The following IL6R variants were observed in gnomAD, a reference collection of about 807,000 sequenced individuals.
The protein encoded by IL6R is interleukin-6 receptor subunit alpha.
Under a neutral mutation model 48.3 loss-of-function variants are expected in IL6R, and 38 were observed. The observed-to-expected ratio is 0.79, with a 90% CI of 0.61 to 1.03. IL6R has a LOEUF of 1.03. Among genes scored for constraint, IL6R ranks in the 50% least tolerant of loss-of-function variants. The pLI, the probability that IL6R is intolerant of heterozygous loss-of-function variation, is 0.00. For synonymous variants in IL6R, 264 were observed against 256.2 expected (o/e 1.03, Z -0.29); for missense variants, 534 against 618.3 (o/e 0.86, Z 1.45).
chr1:154,429,389 C>T lies in IL6R; in HGVS notation c.279C>T (p.Asn93=). The T allele has an allele frequency of 2.5e-6, 4 of 1,613,982 alleles. No homozygotes were observed. Among genetic ancestry groups the T allele is most frequent in the Non-Finnish European group, 3.4e-6 (4 of 1,179,906 alleles). The change falls in exon 2 of 10, where the codon AAC becomes AAT. Residue 93 remains asparagine (N), a synonymous_variant. Transcript: ENST00000368485. ...CGGTGCAGCTCCACGACTCTGGAAA[C>T]TATTCATGCTACCGGGCCGGCCGCC... ...LRSVQLHDSG[N]YSCYRAGRPA...
intron 8 of IL6R, among the ~76,000 whole-genome samples, chr1:154,450,816 A>G (rs1281318003): frequency 6.6e-6 from 1 of 152,238 alleles, no homozygotes; most frequent in African/African-American, 2.4e-5. Flanking sequence ...TTCGTGAGGC[A>G]GTCCTTGCCC....
chr1:154,421,942 AATT>A (rs1688691969), intron 1 of IL6R, among the ~76,000 whole-genome samples: 1 of 145,132 alleles, frequency 6.9e-6, no homozygotes, highest in African/African-American at 2.6e-5. Flanking sequence ...TTTTTTTTTT[AATT>A]ATTATTATTA....
intron 1 of IL6R, among the ~76,000 whole-genome samples, chr1:154,421,382 GT>G (rs2149221300): frequency 6.6e-6 from 1 of 152,314 alleles, no homozygotes; most frequent in South Asian, 2.1e-4. Flanking sequence ...AGGGACATGG[GT>G]CCCCACTGCC....
At chr1:154,465,112 G>C (rs374147888) in intron 9 of IL6R, 22 bp from the exon 10 acceptor site, 19 of 1,613,928 alleles carry the variant, frequency 1.2e-5, no homozygotes, top group Non-Finnish European at 1.6e-5. Flanking sequence ...TGTGTGGTTT[G>C]TCTTTGTGTG....
At chr1:154,425,585 G>T (rs1240964362) in intron 1 of IL6R, among the ~76,000 whole-genome samples, 3 of 151,818 alleles carry the variant, frequency 2.0e-5, no homozygotes, top group African/African-American at 7.3e-5. Context: ...GACCAGCCTG[G>T]GCAATATAGT....
chr1:154,458,447 G>A (rs1691047363), intron 9 of IL6R, among the ~76,000 whole-genome samples: 1 of 152,182 alleles, frequency 6.6e-6, no homozygotes, highest in African/African-American at 2.4e-5. Flanking sequence ...AGGATTCCTT[G>A]CCTCACCCTA....
At chr1:154,433,305 C>T (rs1015427673) in intron 3 of IL6R, among the ~76,000 whole-genome samples, 4 of 152,192 alleles carry the variant, frequency 2.6e-5, no homozygotes, top group Admixed American at 1.3e-4. Flanking sequence ...CCTCACATGC[C>T]CACATGTGTC....
chr1:154,439,342 T>A (rs1689807819), intron 6 of IL6R, among the ~76,000 whole-genome samples: 1 of 152,172 alleles, frequency 6.6e-6, no homozygotes, highest in Non-Finnish European at 1.5e-5. Context: ...TGAGACGGAG[T>A]CTCGCTCTGT....
In IL6R at chr1:154,454,598, G is replaced by A. The variant is rs2149269045; in HGVS notation, c.1160+17G>A. On this transcript the variant is annotated intron_variant, in intron 9 of 9. Coordinates refer to ENST00000368485, the MANE Select transcript of IL6R (RefSeq NM_000565.4). The stretch of plus-strand genomic sequence containing the variant: ...TGTTCTGAGGTGAGATGGGTCCCAG[G>A]GGATGGCCCTGTGGTGTTCTCATAT... 2 of 1,552,766 alleles carry A rather than the reference G, an allele frequency of 1.3e-6. No homozygotes were observed. The highest frequency in any genetic ancestry group is 2.2e-5 in the East Asian group (1 of 44,608).
At chr1:154,410,273 C>T (rs1365974988) in intron 1 of IL6R, among the ~76,000 whole-genome samples, 1 of 148,870 alleles carries the variant, frequency 6.7e-6, no homozygotes, top group African/African-American at 2.5e-5. Context: ...TTTTTAAATA[C>T]AGGATCTTAC....
Position 154,434,599 on chromosome 1 carries a change from T to A in IL6R, c.539T>A (p.Val180Asp). 1 of 1,614,036 alleles carries A rather than the reference T, an allele frequency of 6.2e-7. No homozygotes were observed. Among genetic ancestry groups the A allele is most frequent in the Non-Finnish European group, 8.5e-7 (1 of 1,179,994 alleles). ...CAGAAGTTCTCCTGCCAGTTAGCAGTCCCGGAGGGAGACAGCTCTTTCTAC... is the reference window on the plus strand; with the variant it reads ...CAGAAGTTCTCCTGCCAGTTAGCAGACCCGGAGGGAGACAGCTCTTTCTAC... ...ESQKFSCQLA[V>D]PEGDSSFYIV... is the part of the protein sequence containing the mutation. The change falls in exon 4 of 10, where the codon GTC (valine) becomes GAC (aspartate). Residue 180 changes from valine to aspartate, a missense_variant. Val to Asp is a radical substitution (Grantham distance 152). Coordinates refer to ENST00000368485, the MANE Select transcript of IL6R (RefSeq NM_000565.4).
intron 1 of IL6R, among the ~76,000 whole-genome samples, chr1:154,425,057 G>C (rs1421387548): frequency 2.6e-5 from 4 of 152,190 alleles, no homozygotes; most frequent in Admixed American, 6.5e-5. Context: ...TTTTCACAGT[G>C]CTTTTCTATG....
chr1:154,450,747 T>C (rs1006168931), intron 8 of IL6R, among the ~76,000 whole-genome samples: 53 of 152,222 alleles, frequency 3.5e-4, no homozygotes, highest in African/African-American at 1.3e-3. Flanking sequence ...ATATGGGACT[T>C]ATGGAATCCA....
At chr1:154,435,229 G>A in intron 5 of IL6R, 73 bp downstream of exon 5, 1 of 1,448,874 alleles carries the variant, frequency 6.9e-7, no homozygotes, top group South Asian at 1.2e-5. Flanking sequence ...GGTACTAGAG[G>A]CCAGGCATGG....
intron 1 of IL6R, among the ~76,000 whole-genome samples, chr1:154,407,095 T>C (rs1687769817): frequency 6.6e-6 from 1 of 152,088 alleles, no homozygotes; most frequent in Non-Finnish European, 1.5e-5. Flanking sequence ...GCTGGGGGCA[T>C]TGGGGCAAGC....
In IL6R at chr1:154,444,706, G is replaced by C. The variant is rs145288537; in HGVS notation, c.950-3419G>C. The stretch of plus-strand genomic sequence containing the variant: ...TGAGCCCAGGAGATAGAGACCAGCC[G>C]GGCACCATAAGGAGACCCTGTCTTT... On this transcript the variant is annotated intron_variant, in intron 6 of 9. Transcript: ENST00000368485. 9.8e-3 allele frequency among the ~76,000 whole-genome samples: 1,493 copies of C among 152,020 alleles called. 28 individuals carry two copies. The highest frequency in any genetic ancestry group is 0.035 in the African/African-American group (1,431 of 41,462).
At chr1:154,435,259 C>T (rs1266485226) in intron 5 of IL6R, 103 bp downstream of exon 5, 18 of 1,157,230 alleles carry the variant, frequency 1.6e-5, no homozygotes, top group African/African-American at 6.1e-5. Flanking sequence ...CCTGTAATCC[C>T]GGCCCTTTGG....
intron 6 of IL6R, chr1:154,437,402 T>C (rs761039151): frequency 2.2e-5 from 8 of 359,376 alleles, no homozygotes; most frequent in African/African-American, 1.5e-4. Flanking sequence ...CGGTCGGAAA[T>C]TTTTTTTAAC....
At chr1:154,459,855 G>A (rs957119135) in intron 9 of IL6R, among the ~76,000 whole-genome samples, 2 of 152,140 alleles carry the variant, frequency 1.3e-5, no homozygotes, top group South Asian at 4.1e-4. Context: ...ACATCATTAA[G>A]TGAGGACTTC....
Sources: gnomAD v4.1 joint callset for allele counts (sites outside exome capture counted in the v4.1 genomes callset) on GRCh38, gnomAD v4.1.1 for gene constraint, MANE v1.5 for transcripts, NCBI Gene and HGNC (gene_info 2026-07-23, HGNC 2026-07-21) for gene names.